Variants in CRTAC1 observed in about 807,000 individuals in gnomAD.
CRTAC1 encodes cartilage acidic protein 1.
In CRTAC1, 37 loss-of-function variants were observed where a neutral mutation model predicts 67.8. The ratio of observed to expected loss-of-function variants is 0.55; its 90% CI spans 0.42 to 0.72. The LOEUF (loss-of-function observed/expected upper bound fraction) is 0.72. Ranked by LOEUF, CRTAC1 falls within the 30% of genes least tolerant of loss-of-function variation. The pLI, the probability that CRTAC1 is intolerant of heterozygous loss-of-function variation, is 0.00. For synonymous variants in CRTAC1, 348 were observed against 371.0 expected, an observed-to-expected ratio of 0.94 and a Z score of 0.71; for missense variants, 780 against 931.6, an observed-to-expected ratio of 0.84 and a Z score of 2.12.
intron 5 of CRTAC1, among the ~76,000 whole-genome samples, chr10:97,916,266 G>A (rs994143571): frequency 6.6e-6 from 1 of 152,218 alleles, no homozygotes; most frequent in Admixed American, 6.5e-5. Context: ...CTAGGCTGAA[G>A]CGCCTGCATG....
intron 1 of CRTAC1, among the ~76,000 whole-genome samples, chr10:98,021,653 T>C (rs568490784): frequency 1.5e-4 from 23 of 152,304 alleles, no homozygotes; most frequent in Non-Finnish European, 2.6e-4. Context: ...CCACACGTGG[T>C]AGGTAACAGT....
At chr10:97,884,093 T>C in intron 12 of CRTAC1, 113 bp downstream of exon 12, 7 of 1,282,414 alleles carry the variant, frequency 5.5e-6, no homozygotes, top group Non-Finnish European at 7.4e-6. Context: ...TTTGCCAAGA[T>C]TTCCATCACT....
At chr10:97,936,777 G>C (rs2051096358) in intron 2 of CRTAC1, among the ~76,000 whole-genome samples, 1 of 152,176 alleles carries the variant, frequency 6.6e-6, no homozygotes, top group Non-Finnish European at 1.5e-5. Context: ...AGAGAGGTAG[G>C]CATGTATTAG....
chr10:97,962,110 C>T (rs760522930), intron 2 of CRTAC1, among the ~76,000 whole-genome samples: 2 of 152,146 alleles, frequency 1.3e-5, no homozygotes, highest in African/African-American at 4.8e-5. Flanking sequence ...TCTATGCTCG[C>T]GGTTTTCCTT....
chr10:97,990,948 A>G (rs1842438112), intron 2 of CRTAC1, among the ~76,000 whole-genome samples: 1 of 152,034 alleles, frequency 6.6e-6, no homozygotes, highest in African/African-American at 2.4e-5. Context: ...TAACAACAAA[A>G]GATATATAGG....
At chr10:98,021,972 T>C (rs1843131617) in intron 1 of CRTAC1, among the ~76,000 whole-genome samples, 1 of 152,068 alleles carries the variant, frequency 6.6e-6, no homozygotes, top group Non-Finnish European at 1.5e-5. Context: ...ACGTTAGAAA[T>C]GATGAAAAAG....
intron 5 of CRTAC1, among the ~76,000 whole-genome samples, chr10:97,912,222 C>T (rs966957999): frequency 1.3e-5 from 2 of 152,206 alleles, no homozygotes; most frequent in Admixed American, 1.3e-4. Flanking sequence ...GACTATTTAC[C>T]ACCTGCTGGG....
chr10:98,018,026 G>T (rs190527452), intron 1 of CRTAC1, among the ~76,000 whole-genome samples: 116 of 150,974 alleles, frequency 7.7e-4, no homozygotes, highest in African/African-American at 2.7e-3. Context: ...GTGAAACCCC[G>T]TCTCTACTAA....
At chr10:98,024,202 C>G (rs1290150410) in intron 1 of CRTAC1, among the ~76,000 whole-genome samples, 1 of 152,212 alleles carries the variant, frequency 6.6e-6, no homozygotes, top group East Asian at 1.9e-4. Flanking sequence ...AGCAGTGATT[C>G]CCATGACCTT....
chr10:97,964,882 T>C (rs934376269), intron 2 of CRTAC1, among the ~76,000 whole-genome samples: 2 of 152,200 alleles, frequency 1.3e-5, no homozygotes, highest in African/African-American at 4.8e-5. Flanking sequence ...ACTAATCTGG[T>C]GTCCCGAGAA....
chr10:97,874,726 C>T (rs1377403931), intron 14 of CRTAC1, among the ~76,000 whole-genome samples: 1 of 152,198 alleles, frequency 6.6e-6, no homozygotes, highest in Non-Finnish European at 1.5e-5. Flanking sequence ...GTATTATCCC[C>T]ATCTTGCAGA....
chr10:97,958,530 C>T (rs1056644844), intron 2 of CRTAC1, among the ~76,000 whole-genome samples: 2 of 152,110 alleles, frequency 1.3e-5, no homozygotes, highest in African/African-American at 2.4e-5. Flanking sequence ...CACATTACCC[C>T]CCATCGTTGA....
intron 3 of CRTAC1, among the ~76,000 whole-genome samples, chr10:97,932,346 C>CA (rs2051015710): frequency 6.6e-6 from 1 of 152,068 alleles, no homozygotes; most frequent in Non-Finnish European, 1.5e-5. Context: ...GGTGTTCATT[C>CA]AAAAATACGT....
At chr10:97,867,700 CCT>C (rs2050044727) in intron 14 of CRTAC1, 1 of 151,494 alleles carries the variant, frequency 6.6e-6, no homozygotes, top group Non-Finnish European at 1.5e-5. Flanking sequence ...AGTGCTATGG[CCT>C]TTTTTTTTTT....
intron 13 of CRTAC1, 76 bp from the exon 14 acceptor site, chr10:97,880,468 A>G: frequency 1.3e-6 from 2 of 1,560,142 alleles, no homozygotes; most frequent in South Asian, 1.1e-5. Context: ...CTGCCTATAC[A>G]CTGTCTGGCT....
chr10:97,920,039 A>G (rs999771862), intron 4 of CRTAC1, among the ~76,000 whole-genome samples: 1 of 152,114 alleles, frequency 6.6e-6, no homozygotes, highest in Non-Finnish European at 1.5e-5. Context: ...TTGAGCCACC[A>G]CACCTGGCCT....
intron 1 of CRTAC1, among the ~76,000 whole-genome samples, chr10:98,016,793 G>T (rs7081630): frequency 0.011 from 1,747 of 152,224 alleles, 48 homozygotes; most frequent in African/African-American, 0.04. Context: ...CTGATTTGAA[G>T]TGAGAAATGT....
Position 97,975,241 on chromosome 10 carries a change from C to T in CRTAC1, c.224+35897G>A, listed in dbSNP as rs770023463. Among the ~76,000 whole-genome samples the T allele has an allele frequency of 1.3e-5, 2 of 152,138 alleles. No homozygotes were observed. The highest frequency in any genetic ancestry group is 1.3e-4 in the Admixed American group (2 of 15,284). ...AAATGCTCTTGGCTCAATCCCAGGT[C>T]GCAGAGGGACCCGGGGCCCGGCTGA... On this transcript the variant is annotated intron_variant, in intron 2 of 14. Transcript: ENST00000370597. The surrounding 1 kb of genome is among the most constrained non-coding windows in gnomAD (Gnocchi z 4.8).
intron 1 of CRTAC1, among the ~76,000 whole-genome samples, chr10:98,021,572 G>A (rs1273240813): frequency 6.6e-6 from 1 of 152,188 alleles, no homozygotes; most frequent in East Asian, 1.9e-4. Flanking sequence ...AATGTTTATC[G>A]GGTTGCCATG....
Sources: allele counts gnomAD v4.1 joint callset (sites outside exome capture counted in the v4.1 genomes callset), GRCh38; gene constraint gnomAD v4.1.1; non-coding constraint Gnocchi (gnomAD v3.1); transcripts MANE v1.5; gene names NCBI Gene and HGNC (gene_info 2026-07-23, HGNC 2026-07-21).